Variants in NCALD observed in about 807,000 individuals in gnomAD.
The protein encoded by NCALD is neurocalcin delta.
Under a neutral mutation model 18.6 loss-of-function variants are expected in NCALD, and 10 were observed. That is an observed-to-expected ratio of 0.54 (90% CI 0.33 to 0.91). The LOEUF is 0.91. Ranked by LOEUF, NCALD falls within the 40% of genes least tolerant of loss-of-function variation. The probability of loss-of-function intolerance (pLI) is 0.03; values close to 1 mark genes in which losing one functional copy is unlikely to be tolerated. For synonymous variants in NCALD, 88 were observed against 87.4 expected (o/e 1.01, Z -0.04); for missense variants, 184 against 247.6 (o/e 0.74, Z 1.72).
At chr8:101,890,655 C>A (rs1248959331) in intron 3 of NCALD, among the ~76,000 whole-genome samples, 1 of 152,208 alleles carries the variant, frequency 6.6e-6, no homozygotes, top group African/African-American at 2.4e-5. Flanking sequence ...GAAGGCAACA[C>A]TCTTGGAAGC....
At chr8:101,734,209 G>A (rs998155083) in intron 1 of NCALD, among the ~76,000 whole-genome samples, 7 of 152,050 alleles carry the variant, frequency 4.6e-5, no homozygotes, top group Non-Finnish European at 1.0e-4. Flanking sequence ...GACCTGAAAC[G>A]CCCTCCTTTC....
intron 1 of NCALD, among the ~76,000 whole-genome samples, chr8:102,114,650 G>T (rs1241199020): frequency 1.3e-5 from 2 of 152,194 alleles, no homozygotes; most frequent in Admixed American, 6.5e-5. Flanking sequence ...TTGCAACCCA[G>T]TGGAGGGACA....
chr8:101,937,867 A>G (rs1643845042), intron 2 of NCALD, among the ~76,000 whole-genome samples: 1 of 152,224 alleles, frequency 6.6e-6, no homozygotes, highest in Admixed American at 6.5e-5. Context: ...GTGGTATGTG[A>G]TAAAGGAAAA....
chr8:101,815,552 A>T (rs1459360862), intron 4 of NCALD, among the ~76,000 whole-genome samples: 2 of 152,144 alleles, frequency 1.3e-5, no homozygotes, highest in African/African-American at 4.8e-5. Context: ...ATATGAAAAG[A>T]TGCTTCACAT....
intron 1 of NCALD, among the ~76,000 whole-genome samples, chr8:102,087,021 C>G (rs1010164259): frequency 1.3e-4 from 20 of 152,328 alleles, no homozygotes; most frequent in African/African-American, 4.6e-4. Flanking sequence ...ATAACCCACC[C>G]CTTCCTTAGC....
At chr8:102,088,515 T>C (rs1457250269) in intron 1 of NCALD, among the ~76,000 whole-genome samples, 2 of 151,624 alleles carry the variant, frequency 1.3e-5, no homozygotes, top group African/African-American at 4.9e-5. Context: ...TGGAGTTCCT[T>C]GGGAAAAACA....
chr8:101,805,959 A>C (rs980344254), intron 4 of NCALD, among the ~76,000 whole-genome samples: 1 of 152,186 alleles, frequency 6.6e-6, no homozygotes, highest in African/African-American at 2.4e-5. Context: ...AAAAATCAGC[A>C]AAAAATTAGT....
chr8:101,838,197 T>C (rs1418489843), intron 4 of NCALD, among the ~76,000 whole-genome samples: 1 of 152,158 alleles, frequency 6.6e-6, no homozygotes, highest in African/African-American at 2.4e-5. Flanking sequence ...AACCTTTCTG[T>C]AGTCATTGAA....
intron 1 of NCALD, among the ~76,000 whole-genome samples, chr8:101,761,498 A>C (rs2130835155): frequency 6.6e-6 from 1 of 152,288 alleles, no homozygotes; most frequent in African/African-American, 2.4e-5. Flanking sequence ...CAGTATAATA[A>C]AAACTCTCCA....
chr8:102,109,016 C>G (rs763058109), intron 1 of NCALD, among the ~76,000 whole-genome samples: 18 of 152,174 alleles, frequency 1.2e-4, no homozygotes, highest in Non-Finnish European at 1.8e-4. Flanking sequence ...TACCTCACAG[C>G]AATGCAGGAG....
At chr8:102,035,015 T>C (rs1220808742) in intron 1 of NCALD, among the ~76,000 whole-genome samples, 1 of 152,186 alleles carries the variant, frequency 6.6e-6, no homozygotes, top group Non-Finnish European at 1.5e-5. Flanking sequence ...ACCATCCTAT[T>C]TCCTATTTCT....
chr8:101,692,479 C>T, intron 3 of NCALD: 7 of 985,440 alleles, frequency 7.1e-6, no homozygotes, highest in Non-Finnish European at 8.4e-6. Context: ...CTAGGCCTGT[C>T]CCAAGGATGG....
At chr8:101,989,853 A>T (rs1820974699) in intron 2 of NCALD, among the ~76,000 whole-genome samples, 1 of 152,236 alleles carries the variant, frequency 6.6e-6, no homozygotes, top group Non-Finnish European at 1.5e-5. Context: ...TACAGAAATG[A>T]TAAGAAAAAG....
chr8:101,872,563 G>T, intron 4 of NCALD: 2 of 624,000 alleles, frequency 3.2e-6, no homozygotes, highest in Non-Finnish European at 5.8e-6. Context: ...GTTTCCAATC[G>T]CTCAAGCCAA....
intron 2 of NCALD, among the ~76,000 whole-genome samples, chr8:102,002,841 C>CACA (rs942522200): frequency 4.2e-4 from 64 of 152,060 alleles, no homozygotes; most frequent in African/African-American, 1.5e-3. Context: ...AGAACAAAGA[C>CACA]ACAACATACC....
chr8:101,692,114 A>G (rs1033787370), intron 3 of NCALD: 12 of 980,378 alleles, frequency 1.2e-5, no homozygotes, highest in Non-Finnish European at 1.5e-5. Flanking sequence ...CTGAAATTCC[A>G]GGATAATTGG....
At chr8:102,097,745 T>C (rs1383916365) in intron 1 of NCALD, among the ~76,000 whole-genome samples, 1 of 152,262 alleles carries the variant, frequency 6.6e-6, no homozygotes, top group African/African-American at 2.4e-5. Flanking sequence ...TCCTGCTCTC[T>C]GCTCTGACAG....
At chr8:102,060,175 G>A (rs1443565598) in intron 1 of NCALD, among the ~76,000 whole-genome samples, 2 of 151,946 alleles carry the variant, frequency 1.3e-5, no homozygotes, top group African/African-American at 2.4e-5. Context: ...TACAGACAGG[G>A]TTTCACTGTG....
intron 4 of NCALD, among the ~76,000 whole-genome samples, chr8:101,874,856 T>C (rs1342483061): frequency 6.6e-6 from 1 of 152,044 alleles, no homozygotes; most frequent in Non-Finnish European, 1.5e-5. Flanking sequence ...TCCTCTCCTC[T>C]TCCTAAGTAG....
Sources: gnomAD v4.1 joint callset for allele counts (sites outside exome capture counted in the v4.1 genomes callset) on GRCh38, gnomAD v4.1.1 for gene constraint, MANE v1.5 for transcripts, NCBI Gene and HGNC (gene_info 2026-07-23, HGNC 2026-07-21) for gene names.